Variants in C19orf53 observed in about 807,000 individuals in gnomAD.
The protein encoded by C19orf53 is chromosome 19 open reading frame 53, also known as leydig cell tumor 10 kDa protein homolog.
Under a neutral mutation model 6.5 loss-of-function variants are expected in C19orf53, and 9 were observed. The ratio of observed to expected loss-of-function variants is 1.38; its 90% CI spans 0.83 to 2.40. The LOEUF (loss-of-function observed/expected upper bound fraction) is 2.40, where lower values mean the gene tolerates loss of function less well. C19orf53 is among the 30% of genes most tolerant of loss of function. The probability of loss-of-function intolerance (pLI) is 0.00; values close to 1 mark genes in which losing one functional copy is unlikely to be tolerated. For missense variants in C19orf53, 166 were observed against 129.7 expected, an observed-to-expected ratio of 1.28 and a Z score of -1.36; for synonymous variants, 68 against 52.5, an observed-to-expected ratio of 1.29 and a Z score of -1.27.
At chr19:13,776,917 G>A (rs902365715) in intron 2 of C19orf53, among the ~76,000 whole-genome samples, 1 of 151,616 alleles carries the variant, frequency 6.6e-6, no homozygotes, top group African/African-American at 2.4e-5. Context: ...TAGCTGTCCC[G>A]ATGCTGGTGA....
At position 13,774,536 on chromosome 19, in the gene C19orf53, C is replaced by CCTG. The variant is rs769198516; in HGVS notation, c.59_60insCTG (p.Ala20_Ala21insTrp). 1.9e-5 allele frequency: 30 copies of CCTG among 1,613,732 alleles called. No individual in the cohort carries two copies. The South Asian group carries it at 3.3e-4, about 18-fold the overall frequency. ...AAACCCGCAAAGAGTAAGACGGCAG[C>CCTG]GGCAGCCTCTGAAAAGAATCGGGGC... On this transcript the variant is annotated inframe_insertion, in exon 1 of 3. Coordinates refer to ENST00000588234, the MANE Select transcript of C19orf53 (RefSeq NM_014047.3).
intron 2 of C19orf53, chr19:13,775,594 C>A (rs1974361916): frequency 6.6e-6 from 1 of 151,956 alleles, no homozygotes; most frequent in South Asian, 2.1e-4. Flanking sequence ...TTTTTAAGTG[C>A]AACATTTATA....
In C19orf53 at chr19:13,774,472, C is replaced by T. The variant is rs772872988; in HGVS notation, c.-6C>T. On this transcript the variant is annotated 5_prime_UTR_variant, in exon 1 of 3. Coordinates refer to ENST00000588234, the MANE Select transcript of C19orf53 (RefSeq NM_014047.3). ...CAGTCCCGCCTCTTCCGCTGCGTGC[C>T]GGACCATGGCGCAGGGGCAGCGCAA... 3.8e-6 allele frequency: 6 copies of T among 1,597,350 alleles called. No individual in the cohort carries two copies. Among genetic ancestry groups the T allele is most frequent in the Non-Finnish European group, 5.1e-6 (6 of 1,172,346 alleles).
intron 2 of C19orf53, 115 bp downstream of exon 2, chr19:13,774,822 T>G: frequency 3.7e-6 from 5 of 1,345,026 alleles, no homozygotes; most frequent in Non-Finnish European, 5.1e-6. Context: ...AGAGGGTGGA[T>G]CCTGGGGACG....
chr19:13,777,910 C>T, intron 2 of C19orf53, 142 bp from the exon 3 acceptor site: 5 of 1,048,006 alleles, frequency 4.8e-6, no homozygotes, highest in Non-Finnish European at 6.9e-6. Flanking sequence ...TAAACCCCAG[C>T]CACCAGACCC....
chr19:13,774,590 G>A lies in C19orf53; in HGVS notation c.97+16G>A, dbSNP rs1156997743. The A allele has an allele frequency of 6.2e-7, 1 of 1,613,882 alleles. No individual in the cohort carries two copies. The highest frequency in any genetic ancestry group is 8.5e-7 in the Non-Finnish European group (1 of 1,179,828). ...AGAAAAGGCGGTAAGGAGCGGCCCGGGGACTTGGGGGCGAGGTGGACCCCC... is the reference window on the plus strand; with the variant it reads ...AGAAAAGGCGGTAAGGAGCGGCCCGAGGACTTGGGGGCGAGGTGGACCCCC... On this transcript the variant is annotated intron_variant, in intron 1 of 2. Transcript: ENST00000588234.
chr19:13,778,579 G>A lies in C19orf53; in HGVS notation c.*381G>A, dbSNP rs191906183. 1.8e-3 allele frequency: 296 copies of A among 162,060 alleles called. 3 individuals carry two copies. Among genetic ancestry groups the A allele is most frequent in the Admixed American group, 0.016 (252 of 15,606 alleles). The allele number at this position is 162,060 out of a possible 1,614,324, so 10.0% of individuals were successfully genotyped here. A position where few individuals can be genotyped will look rare whatever the true frequency, so the allele number is the denominator to read the frequency against. Reference sequence around the variant, plus strand: ...GCCTTTAGCAACCATGTGCCCAGGGGACAGCTGGGCTTCTACACCTCTGGC... The same window carrying A: ...GCCTTTAGCAACCATGTGCCCAGGGAACAGCTGGGCTTCTACACCTCTGGC... On this transcript the variant is annotated 3_prime_UTR_variant, in exon 3 of 3. Transcript: ENST00000588234.
intron 2 of C19orf53, among the ~76,000 whole-genome samples, chr19:13,777,183 C>T (rs188669438): frequency 2.6e-5 from 4 of 152,174 alleles, no homozygotes; most frequent in African/African-American, 9.6e-5. Flanking sequence ...AGCTCCTGAC[C>T]TCAGGTGATA....
intron 2 of C19orf53, 86 bp from the exon 3 acceptor site, chr19:13,777,966 G>GC: frequency 6.6e-7 from 1 of 1,504,086 alleles, no homozygotes; most frequent in Non-Finnish European, 9.0e-7. Context: ...CTAGCCCCCT[G>GC]CGAGCTCTAG....
intron 2 of C19orf53, among the ~76,000 whole-genome samples, chr19:13,775,276 C>G (rs532824080): frequency 1.4e-5 from 2 of 139,988 alleles, no homozygotes; most frequent in East Asian, 4.5e-4. Flanking sequence ...TGTGAGGGTG[C>G]GTTGGTTATC....
At position 13,778,171 on chromosome 19, in the gene C19orf53, C is replaced by G; in HGVS notation, c.273C>G (p.Ala91=). Residue 91 remains alanine, a synonymous_variant, in exon 3 of 3, where the codon GCC becomes GCG. Coordinates refer to ENST00000588234, the MANE Select transcript of C19orf53 (RefSeq NM_014047.3). Reference sequence around the variant, plus strand: ...CAGCCAAGAAGAAAGGGGCAGCTGCCGCCACCTCCTCCAAGACACCTTCCT... The same window carrying G: ...CAGCCAAGAAGAAAGGGGCAGCTGCGGCCACCTCCTCCAAGACACCTTCCT... ...KAPAKKKGAA[A]ATSSKTPS is the part of the protein sequence containing the mutation. The G allele has an allele frequency of 6.2e-7, 1 of 1,610,064 alleles. No homozygotes were observed. The highest frequency in any genetic ancestry group is 8.5e-7 in the Non-Finnish European group (1 of 1,177,652).
rs775958776 is a variant in C19orf53, at chr19:13,774,734, G to A, written c.153+27G>A. 3.2e-6 allele frequency: 5 copies of A among 1,580,080 alleles called. No individual in the cohort carries two copies. In the Admixed American group the frequency reaches 7.0e-5, roughly 22 times the overall value. On this transcript the variant is annotated intron_variant, in intron 2 of 2. Transcript: ENST00000588234. ...TGTGCGGGGGCGAGAGATGGAGCCC[G>A]GAGGGCGGCGAGTAGCGAGGGGTGG...
Position 13,774,697 on chromosome 19 carries a change from A to T in C19orf53, c.143A>T (p.Lys48Met). ...AAGGCGCGCGTCGTGCAGCAGCAAA[A>T]GCTCAAGAAGGTGTGCGGGGGCGAG... Reference protein sequence around the residue: ...PKKARVVQQQKLKKNLEVGIR... With the variant: ...PKKARVVQQQMLKKNLEVGIR... The change falls in exon 2 of 3, where the codon AAG (lysine) becomes ATG (methionine). Residue 48 changes from lysine (K) to methionine (M), a missense_variant. By Grantham distance (95) the Lys-to-Met change is moderately conservative (BLOSUM62 -1). Coordinates refer to ENST00000588234, the MANE Select transcript of C19orf53 (RefSeq NM_014047.3). 6.2e-7 allele frequency: 1 copy of T among 1,607,392 alleles called. No homozygotes were observed. Among genetic ancestry groups the T allele is most frequent in the African/African-American group, 1.3e-5 (1 of 74,878 alleles).
At chr19:13,775,577 A>G (rs1010159218) in intron 2 of C19orf53, 3 of 151,834 alleles carry the variant, frequency 2.0e-5, no homozygotes, top group Non-Finnish European at 2.9e-5. Context: ...GAGCCACCCT[A>G]TGGTTGTTTT....
chr19:13,777,281 T>C (rs115220004), intron 2 of C19orf53, among the ~76,000 whole-genome samples: 1 of 151,858 alleles, frequency 6.6e-6, no homozygotes, highest in East Asian at 1.9e-4. Flanking sequence ...GGTCTCACGC[T>C]GTCCCCCAGG....
At position 13,778,435 on chromosome 19, in the gene C19orf53, C is replaced by G. The variant is rs1974391977; in HGVS notation, c.*237C>G. 2.4e-6 allele frequency: 1 copy of G among 418,268 alleles called. No homozygotes were observed. The highest frequency in any genetic ancestry group is 2.0e-5 in the African/African-American group (1 of 49,276). The allele number at this position is 418,268 out of a possible 1,614,324, so 25.9% of individuals were successfully genotyped here. On this transcript the variant is annotated 3_prime_UTR_variant, in exon 3 of 3. Coordinates refer to ENST00000588234, the MANE Select transcript of C19orf53 (RefSeq NM_014047.3). Reference sequence around the variant, plus strand: ...AGGTCCTGCCTCCACAGGTTTAACCCAGAACAATAAACCTGGCTTTGTCAT... The same window carrying G: ...AGGTCCTGCCTCCACAGGTTTAACCGAGAACAATAAACCTGGCTTTGTCAT...
intron 2 of C19orf53, among the ~76,000 whole-genome samples, chr19:13,775,230 C>T (rs950231829): frequency 6.6e-6 from 1 of 152,166 alleles, no homozygotes; most frequent in Non-Finnish European, 1.5e-5. Flanking sequence ...GAAAGCCCAG[C>T]TTTGTAAACC....
rs1974342383 is a variant in C19orf53, at chr19:13,774,540, A to C, written c.63A>C (p.Ala21=). The change falls in exon 1 of 3, where the codon GCA becomes GCC. Residue 21 remains alanine (A), a synonymous_variant. Transcript: ENST00000588234. The part of the protein sequence containing the change: ...HKPAKSKTAA[A]ASEKNRGPRK... ...CCGCAAAGAGTAAGACGGCAGCGGC[A>C]GCCTCTGAAAAGAATCGGGGCCCAA... 1.2e-6 allele frequency: 2 copies of C among 1,613,920 alleles called. No homozygotes were observed. Among genetic ancestry groups the C allele is most frequent in the South Asian group, 2.2e-5 (2 of 91,088 alleles).
chr19:13,774,903 G>A, intron 2 of C19orf53, 196 bp downstream of exon 2: 1 of 701,490 alleles, frequency 1.4e-6, no homozygotes, highest in East Asian at 2.7e-5. Flanking sequence ...CGCAGAGAGG[G>A]GTAAGAGGTG....
Sources: allele counts gnomAD v4.1 joint callset (sites outside exome capture counted in the v4.1 genomes callset), GRCh38; gene constraint gnomAD v4.1.1; transcripts MANE v1.5; gene names NCBI Gene and HGNC (gene_info 2026-07-23, HGNC 2026-07-21).